Variants in ZRANB3 observed in about 807,000 individuals in gnomAD.
ZRANB3 encodes the protein zinc finger RANBP2-type containing 3.
In ZRANB3, 125 loss-of-function variants were observed where a neutral mutation model predicts 133.8. The ratio of observed to expected loss-of-function variants is 0.93; its 90% CI spans 0.81 to 1.08. ZRANB3 has a LOEUF of 1.08. Ranked by LOEUF, ZRANB3 falls within the 50% of genes least tolerant of loss-of-function variation. The probability of loss-of-function intolerance (pLI) is 0.00; values close to 1 mark genes in which losing one functional copy is unlikely to be tolerated. For synonymous variants in ZRANB3, 387 were observed against 432.7 expected, an observed-to-expected ratio of 0.89 and a Z score of 1.31; for missense variants, 1,229 against 1,275.5, an observed-to-expected ratio of 0.96 and a Z score of 0.56.
At chr2:135,268,457 A>G (rs1680351732) in intron 11 of ZRANB3, among the ~76,000 whole-genome samples, 1 of 151,990 alleles carries the variant, frequency 6.6e-6, no homozygotes, top group African/African-American at 2.4e-5. Flanking sequence ...ATGAGCCACC[A>G]CGCCCAGCCA....
intron 2 of ZRANB3, among the ~76,000 whole-genome samples, chr2:135,461,506 G>C (rs1233220072): frequency 6.6e-6 from 1 of 152,192 alleles, no homozygotes; most frequent in Non-Finnish European, 1.5e-5. Context: ...GGGAGGCAGA[G>C]GCTGCAGTGA....
At chr2:135,435,263 G>A (rs1488036817) in intron 2 of ZRANB3, among the ~76,000 whole-genome samples, 1 of 152,072 alleles carries the variant, frequency 6.6e-6, no homozygotes, top group Non-Finnish European at 1.5e-5. Context: ...TTGTGCCTGC[G>A]TTAGTTTGCT....
chr2:135,503,618 A>G (rs1377219315), intron 2 of ZRANB3, among the ~76,000 whole-genome samples: 5 of 152,212 alleles, frequency 3.3e-5, no homozygotes, highest in Non-Finnish European at 4.4e-5. Context: ...TAAGGTACTC[A>G]TAAAACACAC....
intron 16 of ZRANB3, among the ~76,000 whole-genome samples, chr2:135,218,119 C>A (rs2105051959): frequency 6.6e-6 from 1 of 152,260 alleles, no homozygotes; most frequent in African/African-American, 2.4e-5. Context: ...GCCAAGAGAT[C>A]TTTTTCAAGC....
intron 19 of ZRANB3, among the ~76,000 whole-genome samples, chr2:135,207,199 A>T (rs542658843): frequency 3.3e-5 from 5 of 150,850 alleles, no homozygotes; most frequent in Admixed American, 6.6e-5. Context: ...AATAATAAAT[A>T]AATAAATAAA....
intron 2 of ZRANB3, among the ~76,000 whole-genome samples, chr2:135,481,855 C>T (rs1432732832): frequency 6.7e-6 from 1 of 150,216 alleles, no homozygotes; most frequent in Non-Finnish European, 1.5e-5. Flanking sequence ...TTTCCCAGCA[C>T]CATTTATTAA....
At chr2:135,466,907 C>T (rs1300273386) in intron 2 of ZRANB3, among the ~76,000 whole-genome samples, 1 of 152,114 alleles carries the variant, frequency 6.6e-6, no homozygotes, top group Non-Finnish European at 1.5e-5. Flanking sequence ...GATCCACCTC[C>T]AATGGCCTCC....
intron 13 of ZRANB3, among the ~76,000 whole-genome samples, chr2:135,229,314 G>A (rs1694885929): frequency 6.6e-6 from 1 of 151,868 alleles, no homozygotes; most frequent in South Asian, 2.1e-4. Flanking sequence ...GCAAGAGGAA[G>A]GAACTGCAAT....
chr2:135,214,734 G>A (rs1208486551), intron 17 of ZRANB3, among the ~76,000 whole-genome samples: 1 of 152,118 alleles, frequency 6.6e-6, no homozygotes, highest in Admixed American at 6.5e-5. Context: ...ATATAAATAT[G>A]TAACACATAT....
intron 6 of ZRANB3, among the ~76,000 whole-genome samples, chr2:135,330,281 TAGA>T (rs1268255415): frequency 6.6e-6 from 1 of 152,214 alleles, no homozygotes; most frequent in East Asian, 1.9e-4. Context: ...TTGAATTTTG[TAGA>T]AGGCCTTTTT....
At chr2:135,254,258 T>C (rs1558865143) in intron 12 of ZRANB3, among the ~76,000 whole-genome samples, 2 of 152,232 alleles carry the variant, frequency 1.3e-5, no homozygotes, top group Non-Finnish European at 2.9e-5. Flanking sequence ...CTTTCTCAAA[T>C]GCTCCAGGTA....
chr2:135,435,357 T>G (rs945748402), intron 2 of ZRANB3, among the ~76,000 whole-genome samples: 34 of 152,224 alleles, frequency 2.2e-4, no homozygotes, highest in Non-Finnish European at 5.9e-5. Flanking sequence ...TATTCCATGG[T>G]GTATATGTAT....
chr2:135,392,577 C>T (rs1335700916), intron 2 of ZRANB3, among the ~76,000 whole-genome samples: 1 of 152,072 alleles, frequency 6.6e-6, no homozygotes, highest in Admixed American at 6.6e-5. Context: ...TGGTGAAACC[C>T]TGTCTGTACT....
At chr2:135,319,012 A>C (rs891890195) in intron 6 of ZRANB3, among the ~76,000 whole-genome samples, 1 of 152,228 alleles carries the variant, frequency 6.6e-6, no homozygotes, top group African/African-American at 2.4e-5. Context: ...TAATTCATGC[A>C]TTGGCAGTAT....
At chr2:135,433,716 G>A (rs11887397) in intron 2 of ZRANB3, among the ~76,000 whole-genome samples, 15,981 of 152,266 alleles carry the variant, frequency 0.1, 1,100 homozygotes, top group South Asian at 0.32. Flanking sequence ...GCCAGGTGTG[G>A]CTGGGCACAG....
At chr2:135,525,430 T>C (rs1307332249) in intron 1 of ZRANB3, among the ~76,000 whole-genome samples, 1 of 152,190 alleles carries the variant, frequency 6.6e-6, no homozygotes, top group Non-Finnish European at 1.5e-5. Flanking sequence ...AAAAACCTAC[T>C]TCTAAAAGGT....
intron 8 of ZRANB3, among the ~76,000 whole-genome samples, chr2:135,278,682 C>A (rs1252780674): frequency 2.6e-5 from 4 of 151,922 alleles, no homozygotes; most frequent in Admixed American, 2.6e-4. Context: ...GGATTAGTGA[C>A]AACTACACAG....
At chr2:135,290,156 T>C (rs1211380529) in intron 8 of ZRANB3, among the ~76,000 whole-genome samples, 2 of 152,192 alleles carry the variant, frequency 1.3e-5, no homozygotes, top group Admixed American at 6.5e-5. Context: ...CTTTGTTGAC[T>C]TTCTGTCTTT....
intron 2 of ZRANB3, among the ~76,000 whole-genome samples, chr2:135,444,665 A>G (rs1324678928): frequency 1.3e-5 from 2 of 152,222 alleles, no homozygotes; most frequent in Admixed American, 6.5e-5. Context: ...AGGTGGGGAC[A>G]AGGATTGACT....
Sources: allele counts gnomAD v4.1 joint callset (sites outside exome capture counted in the v4.1 genomes callset), GRCh38; gene constraint gnomAD v4.1.1; transcripts MANE v1.5; gene names NCBI Gene and HGNC (gene_info 2026-07-23, HGNC 2026-07-21).